The following MCF2 variants were observed in gnomAD, a reference collection of about 807,000 sequenced individuals.
MCF2 encodes proto-oncogene DBL.
Under a neutral mutation model 82.5 loss-of-function variants are expected in MCF2, and 44 were observed. The ratio of observed to expected loss-of-function variants is 0.53; its 90% CI spans 0.42 to 0.69. The LOEUF (loss-of-function observed/expected upper bound fraction) is 0.69. Ranked by LOEUF, MCF2 falls within the 30% of genes least tolerant of loss-of-function variation. The pLI is 0.00. For synonymous variants in MCF2, 217 were observed against 224.9 expected, an observed-to-expected ratio of 0.96 and a Z score of 0.32; for missense variants, 623 against 663.1, an observed-to-expected ratio of 0.94 and a Z score of 0.66.
At chrX:139,585,002 G>T in intron 24 of MCF2, 64 bp downstream of exon 28, 1 of 769,904 alleles carries the variant, frequency 1.3e-6, no homozygotes, top group Non-Finnish European at 1.9e-6. Context: ...GCCCCTATGT[G>T]CTCCACCTAT....
intron 1 of MCF2, among the ~76,000 whole-genome samples, chrX:139,691,367 C>T (rs1285936036): frequency 9.1e-6 from 1 of 109,597 alleles, no homozygotes; most frequent in Non-Finnish European, 1.9e-5. Flanking sequence ...AAAACAAAAA[C>T]AAAAAAAAAT....
intron 1 of MCF2, among the ~76,000 whole-genome samples, chrX:139,707,181 T>C (rs898918598): frequency 8.2e-5 from 9 of 109,987 alleles, no homozygotes; most frequent in Non-Finnish European, 1.7e-4. Flanking sequence ...TTCCTTAGGA[T>C]CTTTTTGGGC....
chrX:139,605,111 A>G (rs1314788788), intron 13 of MCF2, 127 bp from the exon 18 acceptor site: 1 of 291,976 alleles, frequency 3.4e-6, no homozygotes, highest in Non-Finnish European at 6.1e-6. Flanking sequence ...TTTTATTTCA[A>G]TTTTAATTCA....
rs747332868 is a variant in MCF2, at chrX:139,585,018, A to T, written c.2745+48T>A. The stretch of plus-strand genomic sequence containing the variant: ...CCCCTATGTGCTCCACCTATATTTC[A>T]TCAGTAAAACTGCCTCAATAATTTT... On this transcript the variant is annotated intron_variant, in intron 24 of 24. Transcript: ENST00000370576. The T allele has an allele frequency of 3.3e-6, 3 of 900,152 alleles. No homozygotes were observed. In the East Asian group the frequency reaches 9.5e-5, roughly 29 times the overall value. 74.2% of individuals were successfully genotyped at this position (900,152 alleles called of 1,213,427 possible).
intron 1 of MCF2, among the ~76,000 whole-genome samples, chrX:139,672,150 T>C (rs1934717952): frequency 8.9e-6 from 1 of 112,456 alleles, no homozygotes; most frequent in African/African-American, 3.2e-5. Context: ...CTTGTGATTT[T>C]TGCATATTGA....
At chrX:139,663,943 T>C (rs1274424989) in intron 1 of MCF2, among the ~76,000 whole-genome samples, 1 of 111,430 alleles carries the variant, frequency 9.0e-6, no homozygotes, top group East Asian at 2.8e-4. Flanking sequence ...CTCCAGTTTT[T>C]GTTTTGTTTT....
chrX:139,656,616 G>A (rs1934208701), intron 1 of MCF2, among the ~76,000 whole-genome samples: 1 of 112,028 alleles, frequency 8.9e-6, no homozygotes, highest in African/African-American at 3.2e-5. Context: ...GACAACAGAA[G>A]ACACACAGTT....
chrX:139,649,155 C>T (rs1043262814), intron 2 of MCF2, among the ~76,000 whole-genome samples: 1 of 112,268 alleles, frequency 8.9e-6, no homozygotes, highest in African/African-American at 3.2e-5. Context: ...TCAATATTTA[C>T]CAAGGGAAAC....
At chrX:139,658,585 A>G (rs1402688184) in intron 1 of MCF2, among the ~76,000 whole-genome samples, 2 of 110,347 alleles carry the variant, frequency 1.8e-5, no homozygotes, top group Non-Finnish European at 3.8e-5. Flanking sequence ...AATTTAAGAT[A>G]CATTATGAGT....
chrX:139,619,409 A>C (rs959081958), intron 7 of MCF2, among the ~76,000 whole-genome samples, 178 bp downstream of exon 10: 9 of 110,541 alleles, frequency 8.1e-5, no homozygotes, highest in Non-Finnish European at 1.5e-4. Context: ...GGGTGCACCA[A>C]AATCTCACAA....
At chrX:139,665,422 C>T (rs1008327079) in intron 1 of MCF2, among the ~76,000 whole-genome samples, 1 of 111,557 alleles carries the variant, frequency 9.0e-6, no homozygotes, top group Non-Finnish European at 1.9e-5. Context: ...CTGAGTTCAG[C>T]CCAGTTTTGC....
At chrX:139,587,429 T>G (rs1278475431) in intron 22 of MCF2, among the ~76,000 whole-genome samples, 1 of 111,565 alleles carries the variant, frequency 9.0e-6, no homozygotes, top group Non-Finnish European at 1.9e-5. Flanking sequence ...AAAAAGCTTA[T>G]GAGCACAGCC....
chrX:139,634,064 G>A (rs183129383), intron 1 of MCF2, among the ~76,000 whole-genome samples: 29 of 111,475 alleles, frequency 2.6e-4, no homozygotes, highest in African/African-American at 8.5e-4. Context: ...TCATATACAC[G>A]TTAGGTTGGA....
intron 1 of MCF2, among the ~76,000 whole-genome samples, chrX:139,657,331 A>T (rs191768538): frequency 8.9e-6 from 1 of 112,480 alleles, no homozygotes; most frequent in African/African-American, 3.2e-5. Flanking sequence ...CCAAATATGA[A>T]TTTTTAAAGT....
chrX:139,678,149 C>A (rs1934916640), intron 1 of MCF2, among the ~76,000 whole-genome samples: 1 of 111,640 alleles, frequency 9.0e-6, no homozygotes, highest in African/African-American at 3.3e-5. Flanking sequence ...GGTGACAGAC[C>A]AAGACCCTGT....
At chrX:139,680,012 C>G (rs1934962001) in intron 1 of MCF2, among the ~76,000 whole-genome samples, 1 of 111,944 alleles carries the variant, frequency 8.9e-6, no homozygotes, top group Non-Finnish European at 1.9e-5. Context: ...TTGTAAACAT[C>G]AATATTTACA....
chrX:139,612,942 G>T (rs1472100589), intron 10 of MCF2, among the ~76,000 whole-genome samples: 1 of 111,914 alleles, frequency 8.9e-6, no homozygotes, highest in Non-Finnish European at 1.9e-5. Flanking sequence ...ATTCATTTTA[G>T]CATCGCCAAT....
intron 1 of MCF2, among the ~76,000 whole-genome samples, chrX:139,690,344 T>G (rs1935230846): frequency 9.6e-6 from 1 of 104,364 alleles, no homozygotes; most frequent in African/African-American, 3.5e-5. Context: ...AGGAGTTTTT[T>G]TTTTTTTTTT....
At chrX:139,699,834 C>A (rs1019569437) in intron 1 of MCF2, among the ~76,000 whole-genome samples, 2 of 111,972 alleles carry the variant, frequency 1.8e-5, no homozygotes, top group Non-Finnish European at 3.8e-5. Context: ...CTCCTGAGAA[C>A]GTTGTCATTT....
Sources: allele counts gnomAD v4.1 joint callset (sites outside exome capture counted in the v4.1 genomes callset), GRCh38; gene constraint gnomAD v4.1.1; transcripts MANE v1.5; gene names NCBI Gene and HGNC (gene_info 2026-07-23, HGNC 2026-07-21).